UNC5D: variants seen among roughly 807,000 people sequenced by gnomAD.
The protein encoded by UNC5D is netrin receptor UNC5D.
A neutral mutation model predicts 105.4 loss-of-function variants in UNC5D; 39 were observed. The observed-to-expected ratio is 0.37, with a 90% CI of 0.29 to 0.48. The LOEUF is 0.48. Among genes scored for constraint, UNC5D ranks in the 20% least tolerant of loss-of-function variants. UNC5D has a pLI of 0.98. For missense variants in UNC5D, 991 were observed against 1,202.4 expected (o/e 0.82, Z 2.60); for synonymous variants, 452 against 450.4 (o/e 1.00, Z -0.04).
chr8:35,740,924 G>A (rs780714159), intron 11 of UNC5D, among the ~76,000 whole-genome samples: 2 of 152,102 alleles, frequency 1.3e-5, no homozygotes, highest in Non-Finnish European at 2.9e-5. Context: ...TCCAGAGAAG[G>A]CTGTTTTCTC....
At position 35,492,631 on chromosome 8, in the gene UNC5D, G is replaced by A. The variant is rs541301310; in HGVS notation, c.104-56661G>A. ...TATTAAAGTAAATATAAGCACAGGA[G>A]CCACAAAATATGAGACTCAAAGAAG... On this transcript the variant is annotated intron_variant, in intron 1 of 16. Coordinates refer to ENST00000404895, the MANE Select transcript of UNC5D (RefSeq NM_080872.4). Among the ~76,000 whole-genome samples, 194 of 152,176 alleles carry A rather than the reference G, an allele frequency of 1.3e-3. 1 individual carries two copies. The highest frequency in any genetic ancestry group is 4.4e-3 in the African/African-American group (182 of 41,536).
At chr8:35,636,096 G>A (rs1316869956) in intron 4 of UNC5D, among the ~76,000 whole-genome samples, 1 of 152,184 alleles carries the variant, frequency 6.6e-6, no homozygotes, top group East Asian at 1.9e-4. Flanking sequence ...ATCATTAAGA[G>A]TTCTGATTAT....
At chr8:35,715,572 A>G (rs1328475583) in intron 8 of UNC5D, among the ~76,000 whole-genome samples, 2 of 152,230 alleles carry the variant, frequency 1.3e-5, no homozygotes, top group African/African-American at 4.8e-5. Context: ...TTCTTGTAGA[A>G]AAAGAGCTGA....
chr8:35,623,977 G>C (rs1310644968), intron 4 of UNC5D, among the ~76,000 whole-genome samples: 1 of 152,148 alleles, frequency 6.6e-6, no homozygotes, highest in Non-Finnish European at 1.5e-5. Flanking sequence ...CTACTCTGGA[G>C]GCTGAGGCAG....
intron 1 of UNC5D, among the ~76,000 whole-genome samples, chr8:35,367,232 AC>A (rs1287638509): frequency 6.6e-6 from 1 of 152,066 alleles, no homozygotes; most frequent in African/African-American, 2.4e-5. Flanking sequence ...CTTTCTACCT[AC>A]CCACCTACTT....
intron 1 of UNC5D, among the ~76,000 whole-genome samples, chr8:35,368,658 C>T (rs141411565): frequency 0.013 from 1,997 of 151,734 alleles, 23 homozygotes; most frequent in Middle Eastern, 0.021. Flanking sequence ...CTGAATGTTG[C>T]GTCTCTTTAA....
At chr8:35,262,385 T>C (rs373231880) in intron 1 of UNC5D, among the ~76,000 whole-genome samples, 1 of 152,226 alleles carries the variant, frequency 6.6e-6, no homozygotes, top group African/African-American at 2.4e-5. Context: ...ATTTGCCCAA[T>C]AGGCAGCCCT....
intron 1 of UNC5D, among the ~76,000 whole-genome samples, chr8:35,423,545 T>C (rs1232156938): frequency 6.6e-6 from 1 of 152,228 alleles, no homozygotes; most frequent in Admixed American, 6.5e-5. Context: ...TGCATAGAAA[T>C]TTCCTCAGAT....
chr8:35,513,448 C>T (rs920010136), intron 1 of UNC5D, among the ~76,000 whole-genome samples: 10 of 151,786 alleles, frequency 6.6e-5, no homozygotes, highest in Non-Finnish European at 1.3e-4. Context: ...AGGCTGGTCT[C>T]AAACTCCTGA....
At chr8:35,426,007 G>A (rs1163739668) in intron 1 of UNC5D, among the ~76,000 whole-genome samples, 19 of 151,996 alleles carry the variant, frequency 1.3e-4, no homozygotes. Context: ...CGCCATGAAC[G>A]ACAGAAATTT....
At chr8:35,421,764 CA>C (rs2128966740) in intron 1 of UNC5D, among the ~76,000 whole-genome samples, 1 of 152,054 alleles carries the variant, frequency 6.6e-6, no homozygotes, top group East Asian at 1.9e-4. Flanking sequence ...ATAGTAAACC[CA>C]AATAATCCCA....
chr8:35,454,075 G>T (rs1162540589), intron 1 of UNC5D, among the ~76,000 whole-genome samples: 4 of 152,138 alleles, frequency 2.6e-5, no homozygotes, highest in African/African-American at 9.7e-5. Context: ...TGGAGTCCTG[G>T]TTTTGTGATC....
chr8:35,446,819 G>A (rs528451251), intron 1 of UNC5D, among the ~76,000 whole-genome samples: 3 of 152,210 alleles, frequency 2.0e-5, no homozygotes, highest in Admixed American at 2.0e-4. Context: ...CCTGTCCTGT[G>A]AGGATTACTC....
At chr8:35,702,234 C>T (rs974256633) in intron 7 of UNC5D, among the ~76,000 whole-genome samples, 1 of 151,974 alleles carries the variant, frequency 6.6e-6, no homozygotes, top group Non-Finnish European at 1.5e-5. Flanking sequence ...TAGGAGAGAC[C>T]CTTCTGGGAC....
Position 35,790,446 on chromosome 8 carries a change from T to C in UNC5D, c.2745T>C (p.Leu915=). 1 of 1,613,992 alleles carries C rather than the reference T, an allele frequency of 6.2e-7. No homozygotes were observed. Among genetic ancestry groups the C allele is most frequent in the Admixed American group, 1.7e-5 (1 of 59,994 alleles). Residue 915 remains leucine (L), a synonymous_variant, in exon 17 of 17, where the codon CTT becomes CTC. Coordinates refer to ENST00000404895, the MANE Select transcript of UNC5D (RefSeq NM_080872.4). ...WEARHQHDGD[L]DSLACALEEI... is the part of the protein sequence containing the mutation. The stretch of plus-strand genomic sequence containing the variant: ...CTCGTCATCAGCATGATGGTGATCT[T>C]GACTCCCTGGCCTGTGCCCTTGAAG...
chr8:35,617,370 G>A (rs1821094731), intron 4 of UNC5D, among the ~76,000 whole-genome samples: 1 of 152,144 alleles, frequency 6.6e-6, no homozygotes. Flanking sequence ...TTCTTCACAG[G>A]TAGAGACCTG....
intron 7 of UNC5D, among the ~76,000 whole-genome samples, chr8:35,703,970 C>T (rs1449625139): frequency 3.3e-5 from 5 of 152,158 alleles, no homozygotes; most frequent in Non-Finnish European, 7.3e-5. Context: ...ATCTGGACTT[C>T]GAGAGGGACC....
rs866885927 is a variant in UNC5D at position 35,248,251 on chromosome 8, A to G, written c.103+12364A>G. 3.0e-4 allele frequency among the ~76,000 whole-genome samples: 31 copies of G among 103,802 alleles called. 2 individuals carry two copies. Among genetic ancestry groups the G allele is most frequent in the African/African-American group, 1.3e-3 (26 of 20,654 alleles). 68.1% of individuals were successfully genotyped at this position (103,802 alleles called of 152,430 possible). On this transcript the variant is annotated intron_variant, in intron 1 of 16. Coordinates refer to ENST00000404895, the MANE Select transcript of UNC5D (RefSeq NM_080872.4). ...ATGTTATATAAAATATATAATATAT[A>G]AATATATGTTATATAAAATATATAA... is the stretch of plus-strand genomic sequence containing the variant.
In UNC5D at chr8:35,774,431, A is replaced by G. The variant is rs1258419001; in HGVS notation, c.2611A>G (p.Lys871Glu). 6.2e-7 allele frequency: 1 copy of G among 1,614,132 alleles called. No individual in the cohort carries two copies. Among genetic ancestry groups the G allele is most frequent in the Non-Finnish European group, 8.5e-7 (1 of 1,179,992 alleles). ...ICATFDTPNA[K>E]GKDWQMLAQK... ...TGCTACATTTGATACCCCCAATGCC[A>G]AAGGCAAGGACTGGCAGATGTTAGC... The change falls in exon 16 of 17, where the codon AAA (lysine) becomes GAA (glutamate). Residue 871 changes from lysine (K) to glutamate (E), a missense_variant. By Grantham distance (56) the Lys-to-Glu change is moderately conservative. Coordinates refer to ENST00000404895, the MANE Select transcript of UNC5D (RefSeq NM_080872.4).
Sources: allele counts gnomAD v4.1 joint callset (sites outside exome capture counted in the v4.1 genomes callset), GRCh38; gene constraint gnomAD v4.1.1; transcripts MANE v1.5; gene names NCBI Gene and HGNC (gene_info 2026-07-23, HGNC 2026-07-21).